The following MAN1A2 variants were observed in gnomAD, a reference collection of about 807,000 sequenced individuals.
MAN1A2 encodes the protein mannosidase alpha class 1A member 2.
MAN1A2 carries 26 observed loss-of-function variants against 75.7 expected under a neutral mutation model. The ratio of observed to expected loss-of-function variants is 0.34; its 90% CI spans 0.25 to 0.48. The LOEUF is 0.48. Ranked by LOEUF, MAN1A2 falls within the 20% of genes least tolerant of loss-of-function variation. The pLI, the probability that MAN1A2 is intolerant of heterozygous loss-of-function variation, is 0.99. For synonymous variants in MAN1A2, 247 were observed against 264.6 expected, an observed-to-expected ratio of 0.93 and a Z score of 0.65; for missense variants, 562 against 775.5, an observed-to-expected ratio of 0.72 and a Z score of 3.27.
In MAN1A2 at chr1:117,526,878, CTCTATATA is replaced by C. The variant is rs1432037013; in HGVS notation, c.*3923_*3930del. The C allele has an allele frequency of 6.9e-4, 42 of 60,756 alleles. No homozygotes were observed. Among genetic ancestry groups the C allele is most frequent in the South Asian group, 3.2e-3 (7 of 2,172 alleles). The allele number at this position is 60,756 out of a possible 1,614,324, so 3.8% of individuals were successfully genotyped here. A position where few individuals can be genotyped will look rare whatever the true frequency, so the allele number is the denominator to read the frequency against. On this transcript the variant is annotated 3_prime_UTR_variant, in exon 13 of 13. Coordinates refer to ENST00000356554, the MANE Select transcript of MAN1A2 (RefSeq NM_006699.5). ...TCTCTCTCTCTCTCTCTCTCTCTCT[CTCTATATA>C]TATATATATATATATATATATATGA...
intron 12 of MAN1A2, among the ~76,000 whole-genome samples, chr1:117,509,105 T>C (rs1157382023): frequency 6.7e-6 from 1 of 149,496 alleles, no homozygotes; most frequent in African/African-American, 2.5e-5. Flanking sequence ...GAGAATTCAA[T>C]TACATAAAAA....
chr1:117,460,703 T>C, intron 7 of MAN1A2, 91 bp downstream of exon 7: 1 of 1,419,476 alleles, frequency 7.0e-7, no homozygotes, highest in Non-Finnish European at 9.3e-7. Context: ...AGGTTTGCCT[T>C]TCTAGATATA....
intron 1 of MAN1A2, among the ~76,000 whole-genome samples, chr1:117,398,879 A>C (rs768321205): frequency 6.6e-5 from 10 of 152,168 alleles, no homozygotes; most frequent in Non-Finnish European, 1.3e-4. Flanking sequence ...TAATTTCAGA[A>C]AGCACATTGG....
At chr1:117,431,097 A>G (rs1486917065) in intron 5 of MAN1A2, among the ~76,000 whole-genome samples, 1 of 138,426 alleles carries the variant, frequency 7.2e-6, no homozygotes, top group African/African-American at 2.7e-5. Flanking sequence ...CATTCGGCAG[A>G]CTGAGGCAGG....
chr1:117,389,428 A>G (rs542293036), intron 1 of MAN1A2, among the ~76,000 whole-genome samples: 4 of 152,258 alleles, frequency 2.6e-5, no homozygotes, highest in East Asian at 3.9e-4. Context: ...TTGCGCTGCT[A>G]TGGGATTCTA....
chr1:117,430,355 C>T (rs1257605927), intron 5 of MAN1A2, among the ~76,000 whole-genome samples: 5,672 of 74,316 alleles, frequency 0.076, no homozygotes, highest in South Asian at 0.1. Flanking sequence ...CGGGCGGAGA[C>T]GCTCCTCACT....
intron 8 of MAN1A2, among the ~76,000 whole-genome samples, chr1:117,482,704 G>C (rs911453660): frequency 1.3e-5 from 2 of 150,028 alleles, no homozygotes; most frequent in African/African-American, 4.8e-5. Context: ...TGTTCACTCT[G>C]ATGGTAGTTT....
intron 5 of MAN1A2, among the ~76,000 whole-genome samples, chr1:117,435,008 C>T (rs1433696619): frequency 2.0e-5 from 3 of 151,412 alleles, no homozygotes; most frequent in Non-Finnish European, 4.4e-5. Context: ...ATTGATGGTA[C>T]GATAGTTATT....
intron 12 of MAN1A2, among the ~76,000 whole-genome samples, chr1:117,511,581 A>T (rs1651536806): frequency 6.6e-6 from 1 of 151,976 alleles, no homozygotes; most frequent in African/African-American, 2.4e-5. Flanking sequence ...CTAGCACATG[A>T]GGCACTCAGT....
At chr1:117,413,857 T>C (rs1647899859) in intron 3 of MAN1A2, among the ~76,000 whole-genome samples, 1 of 152,014 alleles carries the variant, frequency 6.6e-6, no homozygotes, top group South Asian at 2.1e-4. Context: ...ATTTTTTTGC[T>C]GTACTACTAG....
chr1:117,496,127 C>CTT (rs3835643), intron 9 of MAN1A2, among the ~76,000 whole-genome samples: 138,035 of 151,634 alleles, frequency 0.91, 63,002 homozygotes, highest in African/African-American at 0.97. Context: ...TAAAAATACT[C>CTT]TTTTTTCAGA....
In MAN1A2 at chr1:117,414,738, A is replaced by G. The variant is rs1450459603; in HGVS notation, c.681A>G (p.Ile227Met). The G allele has an allele frequency of 1.2e-6, 2 of 1,604,718 alleles. No homozygotes were observed. The highest frequency in any genetic ancestry group is 1.7e-6 in the Non-Finnish European group (2 of 1,172,374). The part of the protein sequence containing the change: ...IFGSSQMGAT[I>M]VDALDTLYIM... ...GAAGTTCACAAATGGGTGCTACCAT[A>G]GTAGATGCTTTGGATACCCTTTATA... is the stretch of plus-strand genomic sequence containing the variant. Residue 227 changes from isoleucine (I) to methionine (M), a missense_variant, in exon 4 of 13, where the codon ATA becomes ATG. Ile to Met is a conservative substitution (Grantham distance 10, BLOSUM62 1). Coordinates refer to ENST00000356554, the MANE Select transcript of MAN1A2 (RefSeq NM_006699.5).
At chr1:117,437,663 T>C (rs1039793012) in intron 5 of MAN1A2, among the ~76,000 whole-genome samples, 4 of 152,170 alleles carry the variant, frequency 2.6e-5, no homozygotes, top group Admixed American at 6.5e-5. Flanking sequence ...ACATTACTTA[T>C]TCATTTTATA....
rs1313525654 is a variant in MAN1A2, at chr1:117,523,030, G to A, written c.*73G>A. 1.9e-6 allele frequency: 3 copies of A among 1,569,892 alleles called. No individual in the cohort carries two copies. The highest frequency in any genetic ancestry group is 2.2e-5 in the East Asian group (1 of 44,572). ...CCACTACAGAAATTAGTTTGAAGGG[G>A]CGGCTTTTGAAAACCTGGACCTCTA... is the stretch of plus-strand genomic sequence containing the variant. On this transcript the variant is annotated 3_prime_UTR_variant, in exon 13 of 13. Transcript: ENST00000356554.
intron 5 of MAN1A2, among the ~76,000 whole-genome samples, chr1:117,421,274 T>C (rs1221841649): frequency 6.6e-6 from 1 of 152,088 alleles, no homozygotes; most frequent in Non-Finnish European, 1.5e-5. Flanking sequence ...TGAGCAACTG[T>C]TTCACCCATA....
At chr1:117,485,491 T>C (rs1159071351) in intron 8 of MAN1A2, among the ~76,000 whole-genome samples, 2 of 151,804 alleles carry the variant, frequency 1.3e-5, no homozygotes, top group African/African-American at 4.8e-5. Flanking sequence ...TTTCAACAAA[T>C]TTGCAGAACA....
chr1:117,383,207 T>C (rs1241889402), intron 1 of MAN1A2, among the ~76,000 whole-genome samples: 1 of 152,152 alleles, frequency 6.6e-6, no homozygotes, highest in Non-Finnish European at 1.5e-5. Context: ...GAAATTCTCT[T>C]CTATTTTTAG....
At chr1:117,431,196 G>A (rs1447690162) in intron 5 of MAN1A2, among the ~76,000 whole-genome samples, 1 of 13,046 alleles carries the variant, frequency 7.7e-5, no homozygotes, top group Non-Finnish European at 3.2e-4. Flanking sequence ...GTGGGGAGAG[G>A]GAGGGGGAGG....
chr1:117,485,133 G>A (rs1201603019), intron 8 of MAN1A2, among the ~76,000 whole-genome samples: 1 of 151,888 alleles, frequency 6.6e-6, no homozygotes, highest in Non-Finnish European at 1.5e-5. Context: ...CAAGTTCCAT[G>A]CCATAAATAA....
Sources: gnomAD v4.1 joint callset for allele counts (sites outside exome capture counted in the v4.1 genomes callset) on GRCh38, gnomAD v4.1.1 for gene constraint, MANE v1.5 for transcripts, NCBI Gene and HGNC (gene_info 2026-07-23, HGNC 2026-07-21) for gene names.